Variants in YWHAH observed in about 807,000 individuals in gnomAD.
YWHAH encodes tyrosine 3-monooxygenase/tryptophan 5-monooxygenase activation protein eta.
In YWHAH, 6 loss-of-function variants were observed where a neutral mutation model predicts 22.9. The ratio of observed to expected loss-of-function variants is 0.26; its 90% CI spans 0.14 to 0.52. YWHAH has a LOEUF of 0.52. Among genes scored for constraint, YWHAH ranks in the 20% least tolerant of loss-of-function variants. The pLI is 0.97. For synonymous variants in YWHAH, 135 were observed against 124.5 expected (o/e 1.08, Z -0.56); for missense variants, 173 against 308.6 (o/e 0.56, Z 3.29).
At chr22:31,950,263 C>G (rs1371258221) in intron 1 of YWHAH, 1 of 772,658 alleles carries the variant, frequency 1.3e-6, no homozygotes, top group Admixed American at 1.7e-5. Context: ...TCTCCCTGCA[C>G]CCTTTAGTAT....
At chr22:31,950,157 G>C (rs1423035216) in intron 1 of YWHAH, 3 of 241,224 alleles carry the variant, frequency 1.2e-5, no homozygotes, top group Non-Finnish European at 2.4e-5. Flanking sequence ...GAGTTAAGAA[G>C]TGCAGGACTA....
Position 31,956,379 on chromosome 22 carries a change from A to C in YWHAH, c.328A>C (p.Lys110Gln), listed in dbSNP as rs2093849639. The change falls in exon 2 of 2, where the codon AAG becomes CAG. Residue 110 changes from lysine to glutamine, a missense_variant. Physicochemically the swap from Lys to Gln is moderately conservative, Grantham distance 53. Coordinates refer to ENST00000248975, the MANE Select transcript of YWHAH (RefSeq NM_003405.4). The surrounding 1 kb of genome is among the most constrained non-coding windows in gnomAD (Gnocchi z 5.1). ...GTCTCTGCTTGACAAGTTCCTGATC[A>C]AGAACTGCAATGATTTCCAGTATGA... ...VLSLLDKFLIKNCNDFQYESK... is the reference protein window; with the variant it reads ...VLSLLDKFLIQNCNDFQYESK... 3 of 1,614,140 alleles carry C rather than the reference A, an allele frequency of 1.9e-6. No homozygotes were observed. Among genetic ancestry groups the C allele is most frequent in the Non-Finnish European group, 2.5e-6 (3 of 1,180,028 alleles).
chr22:31,945,006 T>G, intron 1 of YWHAH, 186 bp downstream of exon 1: 1 of 1,115,872 alleles, frequency 9.0e-7, no homozygotes. Context: ...TTCCTGAGGC[T>G]GGGCCCAGGG....
chr22:31,956,307 C>A lies in YWHAH; in HGVS notation c.256C>A (p.Arg86=), dbSNP rs761643647. 1.2e-6 allele frequency: 2 copies of A among 1,613,884 alleles called. No individual in the cohort carries two copies. The highest frequency in any genetic ancestry group is 2.7e-5 in the African/African-American group (2 of 74,846). Residue 86 remains arginine (R), a synonymous_variant, in exon 2 of 2, where the codon CGG becomes AGG. Transcript: ENST00000248975. This position sits in a 1 kb window ranked among gnomAD's most constrained non-coding sequence, Gnocchi z 5.1. ...GAAATTGGAGAAAGTTAAAGCTTAC[C>A]GGGAGAAGATTGAGAAGGAGCTGGA... is the stretch of plus-strand genomic sequence containing the variant. ...EKKLEKVKAY[R]EKIEKELETV...
At chr22:31,955,880 C>T (rs996122121) in intron 1 of YWHAH, among the ~76,000 whole-genome samples, 4 of 152,128 alleles carry the variant, frequency 2.6e-5, no homozygotes, top group African/African-American at 7.2e-5. Flanking sequence ...TTATCAGACC[C>T]GAATTATGAA....
intron 1 of YWHAH, chr22:31,950,298 CTG>C (rs1569275386): frequency 1.3e-6 from 1 of 779,116 alleles, no homozygotes; most frequent in Admixed American, 1.7e-5. Context: ...CCCAAAATTT[CTG>C]TCTCTAGGTT....
intron 1 of YWHAH, chr22:31,945,195 C>T (rs1019218203): frequency 7.2e-6 from 8 of 1,113,180 alleles, no homozygotes; most frequent in Non-Finnish European, 8.9e-6. Context: ...CTCCCCCTCT[C>T]GTCTTCCTCC....
chr22:31,953,490 CAT>C (rs1411761288), intron 1 of YWHAH, among the ~76,000 whole-genome samples: 3 of 152,280 alleles, frequency 2.0e-5, no homozygotes, highest in South Asian at 2.1e-4. Context: ...ACAACATAGA[CAT>C]GTGACCCTCT....
intron 1 of YWHAH, 37 bp downstream of exon 1, chr22:31,944,857 G>A (rs1454122852): frequency 7.6e-7 from 1 of 1,317,284 alleles, no homozygotes; most frequent in South Asian, 1.8e-5. Context: ...TGGCCGGGGG[G>A]GGCCTGGCGT....
intron 1 of YWHAH, among the ~76,000 whole-genome samples, chr22:31,953,511 CAAAA>C (rs1211907356): frequency 6.6e-6 from 1 of 151,548 alleles, no homozygotes; most frequent in East Asian, 1.9e-4. Context: ...CTGATGTGGG[CAAAA>C]AAAGACTAAG....
intron 1 of YWHAH, among the ~76,000 whole-genome samples, chr22:31,954,880 A>G (rs1403678249): frequency 6.6e-6 from 1 of 152,194 alleles, no homozygotes; most frequent in Non-Finnish European, 1.5e-5. Flanking sequence ...ATAAGCTCAC[A>G]TTCACAGGAA....
intron 1 of YWHAH, among the ~76,000 whole-genome samples, chr22:31,949,758 GT>G: frequency 6.6e-6 from 1 of 152,206 alleles, no homozygotes; most frequent in Non-Finnish European, 1.5e-5. Flanking sequence ...CAGCTAGTAA[GT>G]TGTGAATTCA....
rs34145379 is a variant in YWHAH at position 31,957,404 on chromosome 22, C to CT, written c.*626dup. 42,583 of 145,398 alleles carry CT rather than the reference C, an allele frequency of 0.29. 7,302 individuals carry two copies. The highest frequency in any genetic ancestry group is 0.4 in the Non-Finnish European group (26,183 of 66,094). The allele number at this position is 145,398 out of a possible 1,614,324, so 9.0% of individuals were successfully genotyped here. A position where few individuals can be genotyped will look rare whatever the true frequency, so the allele number is the denominator to read the frequency against. The stretch of plus-strand genomic sequence containing the variant: ...CATCTGAAAGTTTTGATACTTGTAA[C>CT]TTTTTTTTTTTTTTGGTTGCAATTG... On this transcript the variant is annotated 3_prime_UTR_variant, in exon 2 of 2. Transcript: ENST00000248975.
chr22:31,944,723 C>T lies in YWHAH; in HGVS notation c.-11C>T, dbSNP rs1157390047. The T allele has an allele frequency of 7.2e-7, 1 of 1,391,892 alleles. No individual in the cohort carries two copies. The highest frequency in any genetic ancestry group is 9.4e-7 in the Non-Finnish European group (1 of 1,064,636). 86.2% of individuals were successfully genotyped at this position (1,391,892 alleles called of 1,614,324 possible). A position where few individuals can be genotyped will look rare whatever the true frequency, so the allele number is the denominator to read the frequency against. On this transcript the variant is annotated 5_prime_UTR_variant, in exon 1 of 2. Transcript: ENST00000248975. ...GTGTGAGGCGCGAGGCGAGGCCGAG[C>T]CGCGAGCGACATGGGGGACCGGGAG...
chr22:31,945,696 C>T (rs1313214578), intron 1 of YWHAH: 37 of 1,241,876 alleles, frequency 3.0e-5, no homozygotes, highest in Non-Finnish European at 3.7e-5. Flanking sequence ...AATATTTCCT[C>T]TCCCTGCGTC....
intron 1 of YWHAH, chr22:31,945,102 C>A: frequency 9.1e-7 from 1 of 1,097,904 alleles, no homozygotes; most frequent in South Asian, 3.5e-5. Flanking sequence ...CATCTTAGTT[C>A]GGAACCCGGC....
intron 1 of YWHAH, chr22:31,947,478 C>T (rs2093836652): frequency 2.1e-6 from 1 of 471,404 alleles, no homozygotes; most frequent in Admixed American, 2.3e-5. Flanking sequence ...ACCTGGAGGA[C>T]AGTGTTGGTA....
In YWHAH at chr22:31,948,615, T is replaced by C. The variant is rs1603050852; in HGVS notation, c.87+3795T>C. On this transcript the variant is annotated intron_variant, in intron 1 of 1. Coordinates refer to ENST00000248975, the MANE Select transcript of YWHAH (RefSeq NM_003405.4). ...GTCTCAAACTCCTGGCCTCAAGCAG[T>C]CCTCCTGCCTCAGCCTATTAAAGTG... is the stretch of plus-strand genomic sequence containing the variant. Among the ~76,000 whole-genome samples, 3 of 152,206 alleles carry C rather than the reference T, an allele frequency of 2.0e-5. No individual in the cohort carries two copies. In the South Asian group the frequency reaches 6.2e-4, roughly 32 times the overall value.
In YWHAH at chr22:31,952,327, G is replaced by A. The variant is rs562407157; in HGVS notation, c.88-3812G>A. 2.6e-5 allele frequency among the ~76,000 whole-genome samples: 4 copies of A among 152,188 alleles called. No individual in the cohort carries two copies. In the East Asian group the frequency reaches 7.7e-4, roughly 29 times the overall value. On this transcript the variant is annotated intron_variant, in intron 1 of 1. Transcript: ENST00000248975. ...TTAGTTCTCCTGGCTCCTGTATTTTGGTATTTGAAGTGTTGGGAACTGGTG... is the reference window on the plus strand; with the variant it reads ...TTAGTTCTCCTGGCTCCTGTATTTTAGTATTTGAAGTGTTGGGAACTGGTG...
Sources: gnomAD v4.1 joint callset for allele counts (sites outside exome capture counted in the v4.1 genomes callset) on GRCh38, gnomAD v4.1.1 for gene constraint, Gnocchi (gnomAD v3.1) non-coding constraint, MANE v1.5 for transcripts, NCBI Gene and HGNC (gene_info 2026-07-23, HGNC 2026-07-21) for gene names.